ZNF804B: variants seen among roughly 807,000 people sequenced by gnomAD.
ZNF804B encodes zinc finger protein 804B, also known as zinc finger 804B.
In ZNF804B, 80 loss-of-function variants were observed where a neutral mutation model predicts 101.4. The ratio of observed to expected loss-of-function variants is 0.79; its 90% CI spans 0.66 to 0.95. The LOEUF is 0.95. Among genes scored for constraint, ZNF804B ranks in the 40% least tolerant of loss-of-function variants. The probability of loss-of-function intolerance (pLI) is 0.00; values close to 1 mark genes in which losing one functional copy is unlikely to be tolerated. For synonymous variants in ZNF804B, 622 were observed against 558.8 expected (o/e 1.11, Z -1.59); for missense variants, 1,673 against 1,561.9 (o/e 1.07, Z -1.20).
intron 1 of ZNF804B, among the ~76,000 whole-genome samples, chr7:88,877,008 A>AAATATATATATATAATATATATATAT (rs1791950930): frequency 1.4e-5 from 1 of 71,240 alleles, no homozygotes; most frequent in African/African-American, 1.1e-4. Flanking sequence ...GAAAAAAAAA[A>AAATATATATATATAATATATATATAT]TATATATATA....
chr7:88,842,839 T>G (rs1264594172), intron 1 of ZNF804B, among the ~76,000 whole-genome samples: 3 of 152,204 alleles, frequency 2.0e-5, no homozygotes, highest in East Asian at 3.9e-4. Context: ...GTAATATAAC[T>G]TTTTTAAGAT....
chr7:89,171,855 C>G (rs1332968131), intron 1 of ZNF804B, among the ~76,000 whole-genome samples: 3 of 152,072 alleles, frequency 2.0e-5, no homozygotes, highest in Non-Finnish European at 4.4e-5. Flanking sequence ...AGTCTGAGAT[C>G]TTAATCCTGA....
At chr7:89,018,030 G>A (rs147674216) in intron 1 of ZNF804B, among the ~76,000 whole-genome samples, 3 of 152,010 alleles carry the variant, frequency 2.0e-5, no homozygotes, top group Admixed American at 6.6e-5. Context: ...CTAATTGTTC[G>A]AGCTAGGATT....
chr7:88,782,499 C>T (rs1222592709), intron 1 of ZNF804B, among the ~76,000 whole-genome samples: 5 of 151,918 alleles, frequency 3.3e-5, no homozygotes, highest in African/African-American at 1.2e-4. Context: ...ACACTAATAT[C>T]TCCACCTCTA....
At chr7:89,146,707 A>G (rs1374182240) in intron 1 of ZNF804B, among the ~76,000 whole-genome samples, 1 of 152,022 alleles carries the variant, frequency 6.6e-6, no homozygotes, top group Non-Finnish European at 1.5e-5. Context: ...AACTTTATGT[A>G]AATTAAATTA....
rs977089509 is a variant in ZNF804B, at chr7:89,156,304, G to A, written c.109-61851G>A. 1.1e-4 allele frequency among the ~76,000 whole-genome samples: 16 copies of A among 151,980 alleles called. No homozygotes were observed. In the South Asian group the frequency reaches 2.5e-3, roughly 24 times the overall value. The stretch of plus-strand genomic sequence containing the variant: ...AATTTTTTGTATTTTTAGTAGAGAC[G>A]GGGTTTCTCCATGTTGGTCTGGCTG... On this transcript the variant is annotated intron_variant, in intron 1 of 3. Coordinates refer to ENST00000333190, the MANE Select transcript of ZNF804B (RefSeq NM_181646.5).
intron 1 of ZNF804B, among the ~76,000 whole-genome samples, chr7:89,090,602 A>G (rs1355458761): frequency 1.3e-5 from 2 of 152,060 alleles, no homozygotes; most frequent in African/African-American, 4.8e-5. Flanking sequence ...AGATGAAAAA[A>G]TAGGAAATTC....
intron 1 of ZNF804B, among the ~76,000 whole-genome samples, chr7:88,760,916 AAT>A (rs941659276): frequency 2.7e-5 from 4 of 146,540 alleles, no homozygotes; most frequent in African/African-American, 4.9e-5. Context: ...ATATATAATA[AAT>A]ATATATATAA....
At chr7:89,157,001 C>A (rs1369470209) in intron 1 of ZNF804B, among the ~76,000 whole-genome samples, 2 of 152,156 alleles carry the variant, frequency 1.3e-5, no homozygotes, top group Non-Finnish European at 2.9e-5. Context: ...TTCCAACACA[C>A]CTGCCACTTG....
intron 1 of ZNF804B, among the ~76,000 whole-genome samples, chr7:88,896,181 C>T (rs778300976): frequency 1.1e-4 from 16 of 152,258 alleles, no homozygotes; most frequent in Non-Finnish European, 2.4e-4. Flanking sequence ...CCTAGTGTAA[C>T]CATGTGAAAA....
chr7:88,864,185 A>C (rs920049879), intron 1 of ZNF804B, among the ~76,000 whole-genome samples: 1 of 152,186 alleles, frequency 6.6e-6, no homozygotes, highest in African/African-American at 2.4e-5. Flanking sequence ...TCTCACTTCT[A>C]ACAATGTCTT....
intron 1 of ZNF804B, among the ~76,000 whole-genome samples, chr7:88,820,511 G>C (rs1312935774): frequency 1.3e-5 from 2 of 151,806 alleles, no homozygotes; most frequent in Non-Finnish European, 2.9e-5. Context: ...CGTTGTCTCT[G>C]TCTGATCCTT....
intron 1 of ZNF804B, among the ~76,000 whole-genome samples, chr7:88,816,482 A>C (rs926603626): frequency 1.3e-5 from 2 of 152,188 alleles, no homozygotes; most frequent in Non-Finnish European, 2.9e-5. Context: ...CAATCTACTC[A>C]TCTGACAAAA....
At chr7:89,194,617 A>G (rs1297884556) in intron 1 of ZNF804B, among the ~76,000 whole-genome samples, 2 of 151,382 alleles carry the variant, frequency 1.3e-5, no homozygotes, top group Non-Finnish European at 3.0e-5. Flanking sequence ...AAGATCAGAT[A>G]GTTGTAGATA....
rs1791034433 is a variant in ZNF804B, at chr7:89,334,176, A to G, written c.1194A>G (p.Thr398=). The G allele has an allele frequency of 1.2e-6, 2 of 1,613,556 alleles. No individual in the cohort carries two copies. The highest frequency in any genetic ancestry group is 1.7e-4 in the Middle Eastern group (1 of 6,058). The part of the protein sequence containing the change: ...SSLEPSEQKS[T]VHLNPNSRIE... ...TGGAGCCAAGTGAACAAAAGAGTAC[A>G]GTGCATCTGAATCCAAATTCCAGAA... Residue 398 remains threonine (T), a synonymous_variant, in exon 4 of 4, where the codon ACA becomes ACG. Transcript: ENST00000333190.
chr7:89,024,101 G>C (rs960907182), intron 1 of ZNF804B, among the ~76,000 whole-genome samples: 2 of 152,106 alleles, frequency 1.3e-5, no homozygotes, highest in Non-Finnish European at 2.9e-5. Flanking sequence ...AAACAGCTGT[G>C]ATTTTGCAGA....
At chr7:89,188,767 G>A (rs1274787079) in intron 1 of ZNF804B, among the ~76,000 whole-genome samples, 1 of 152,132 alleles carries the variant, frequency 6.6e-6, no homozygotes, top group Non-Finnish European at 1.5e-5. Flanking sequence ...CTAATCCAGA[G>A]CAAGGCCTTA....
At chr7:89,023,240 A>G (rs1483686917) in intron 1 of ZNF804B, among the ~76,000 whole-genome samples, 1 of 152,200 alleles carries the variant, frequency 6.6e-6, no homozygotes, top group Non-Finnish European at 1.5e-5. Flanking sequence ...TTTCCTCTAT[A>G]GTGCTGACTT....
At chr7:89,223,672 A>T (rs1382379043) in intron 2 of ZNF804B, among the ~76,000 whole-genome samples, 1 of 151,182 alleles carries the variant, frequency 6.6e-6, no homozygotes, top group African/African-American at 2.4e-5. Flanking sequence ...CAACACAGTG[A>T]GACCTGTCTC....
Sources: allele counts gnomAD v4.1 joint callset (sites outside exome capture counted in the v4.1 genomes callset), GRCh38; gene constraint gnomAD v4.1.1; transcripts MANE v1.5; gene names NCBI Gene and HGNC (gene_info 2026-07-23, HGNC 2026-07-21).